The following NAALADL2 variants were observed in gnomAD, a reference collection of about 807,000 sequenced individuals.
NAALADL2 encodes inactive N-acetylated-alpha-linked acidic dipeptidase-like protein 2.
NAALADL2 carries 76 observed loss-of-function variants against 87.2 expected under a neutral mutation model. The ratio of observed to expected loss-of-function variants is 0.87; its 90% CI spans 0.72 to 1.05. NAALADL2 has a LOEUF of 1.05. NAALADL2 is among the 50% of genes least tolerant of loss of function. NAALADL2 has a pLI of 0.00. For synonymous variants in NAALADL2, 354 were observed against 331.0 expected (o/e 1.07, Z -0.75); for missense variants, 1,089 against 945.8 (o/e 1.15, Z -1.99).
intron 1 of NAALADL2, among the ~76,000 whole-genome samples, chr3:174,998,303 T>C (rs1747801024): frequency 6.6e-6 from 1 of 152,222 alleles, no homozygotes; most frequent in African/African-American, 2.4e-5. Context: ...GAAACTCATA[T>C]TCCCATCCCA....
rs572697635 is a variant in NAALADL2, at chr3:174,587,765, C to A, written c.-115+37128C>A. On this transcript the variant is annotated intron_variant, in intron 2 of 3. Transcript: ENST00000434257. Reference sequence around the variant, plus strand: ...GATCCACTGTTAGACAAATGGGCTTCCCTTTGTGGGTAACCTGTCCTTTTT... The same window carrying A: ...GATCCACTGTTAGACAAATGGGCTTACCTTTGTGGGTAACCTGTCCTTTTT... Among the ~76,000 whole-genome samples the A allele has an allele frequency of 3.5e-4, 53 of 152,308 alleles. 1 individual carries two copies. In the South Asian group the frequency reaches 0.01, roughly 30 times the overall value.
intron 11 of NAALADL2, among the ~76,000 whole-genome samples, chr3:175,694,583 T>C (rs1271123845): frequency 6.6e-6 from 1 of 152,166 alleles, no homozygotes; most frequent in Non-Finnish European, 1.5e-5. Context: ...GGAATTCCAA[T>C]GCTATATACT....
At chr3:175,077,700 A>G (rs1484794855) in intron 1 of NAALADL2, among the ~76,000 whole-genome samples, 7 of 152,166 alleles carry the variant, frequency 4.6e-5, no homozygotes, top group Non-Finnish European at 8.8e-5. Flanking sequence ...TTACTAATAG[A>G]GGCAGCTGCT....
chr3:175,543,267 CA>C (rs1346528712), intron 9 of NAALADL2, among the ~76,000 whole-genome samples: 1 of 152,084 alleles, frequency 6.6e-6, no homozygotes, highest in Non-Finnish European at 1.5e-5. Context: ...CAAGACACCA[CA>C]AGAATGTCTT....
intron 1 of NAALADL2, among the ~76,000 whole-genome samples, chr3:174,968,354 CTG>C (rs1743153413): frequency 6.6e-6 from 1 of 152,158 alleles, no homozygotes; most frequent in Admixed American, 6.5e-5. Flanking sequence ...GACCTAGAGA[CTG>C]TTATATCCTC....
At chr3:174,614,571 C>T (rs541604265) in intron 2 of NAALADL2, among the ~76,000 whole-genome samples, 80 of 152,206 alleles carry the variant, frequency 5.3e-4, no homozygotes, top group Middle Eastern at 6.8e-3. Flanking sequence ...TGTCAAGGGA[C>T]GGGGGAGAGG....
At position 175,607,649 on chromosome 3, in the gene NAALADL2, A is replaced by C. The variant is rs554489588; in HGVS notation, c.1801-19642A>C. On this transcript the variant is annotated intron_variant, in intron 10 of 13. Coordinates refer to ENST00000454872, the MANE Select transcript of NAALADL2 (RefSeq NM_207015.3). ...TCAGTTAACAACTACCGAGTAGTTC[A>C]AATTGGTTATAAACTGGCATTCCTT... Among the ~76,000 whole-genome samples the C allele has an allele frequency of 2.0e-5, 3 of 152,310 alleles. No homozygotes were observed. The East Asian group carries it at 5.8e-4, about 29-fold the overall frequency.
Position 175,444,204 on chromosome 3 carries a change from C to T in NAALADL2, c.1091-3025C>T, listed in dbSNP as rs188412851. On this transcript the variant is annotated intron_variant, in intron 5 of 13. Transcript: ENST00000454872. ...AATCATACAGCATCTTAAGAAGTTTCCGCAATCATGAAAACTTCGAAATGA... is the reference window on the plus strand; with the variant it reads ...AATCATACAGCATCTTAAGAAGTTTTCGCAATCATGAAAACTTCGAAATGA... 4.8e-3 allele frequency among the ~76,000 whole-genome samples: 737 copies of T among 152,242 alleles called. 7 individuals are homozygous for T. Among genetic ancestry groups the T allele is most frequent in the Middle Eastern group, 0.027 (8 of 294 alleles).
At chr3:175,778,025 A>G (rs1446611162) in intron 13 of NAALADL2, among the ~76,000 whole-genome samples, 3 of 152,186 alleles carry the variant, frequency 2.0e-5, no homozygotes, top group Non-Finnish European at 4.4e-5. Flanking sequence ...TACCACTACT[A>G]TTGGCTGTCT....
At chr3:174,776,983 T>C (rs915315177) in intron 3 of NAALADL2, among the ~76,000 whole-genome samples, 2 of 152,164 alleles carry the variant, frequency 1.3e-5, no homozygotes, top group African/African-American at 4.8e-5. Flanking sequence ...TGGGAAGTAG[T>C]GGAAAGCTAT....
At chr3:174,988,700 C>T (rs759627710) in intron 1 of NAALADL2, among the ~76,000 whole-genome samples, 13 of 152,166 alleles carry the variant, frequency 8.5e-5, no homozygotes, top group Non-Finnish European at 1.6e-4. Flanking sequence ...CTGATCTCCA[C>T]ATAGTGTTCT....
At chr3:175,173,410 G>A (rs1033586692) in intron 2 of NAALADL2, among the ~76,000 whole-genome samples, 44 of 152,244 alleles carry the variant, frequency 2.9e-4, no homozygotes, top group African/African-American at 1.0e-3. Flanking sequence ...GCTGAAGTGG[G>A]AGAATTGCTT....
At chr3:175,214,512 G>C (rs1742222575) in intron 2 of NAALADL2, among the ~76,000 whole-genome samples, 1 of 152,060 alleles carries the variant, frequency 6.6e-6, no homozygotes, top group Non-Finnish European at 1.5e-5. Context: ...TCTATTCATG[G>C]CTTGTCTGAG....
At chr3:175,310,718 G>C (rs1210828491) in intron 4 of NAALADL2, among the ~76,000 whole-genome samples, 1 of 151,758 alleles carries the variant, frequency 6.6e-6, no homozygotes, top group East Asian at 1.9e-4. Flanking sequence ...AGAGGTTCAT[G>C]CATGTCACTA....
intron 2 of NAALADL2, among the ~76,000 whole-genome samples, chr3:174,605,289 A>G (rs1395365549): frequency 1.3e-5 from 2 of 152,124 alleles, no homozygotes; most frequent in African/African-American, 4.8e-5. Flanking sequence ...GGTTCATCTC[A>G]CTAGGAAGTG....
At chr3:174,625,043 A>ATCTCTCTCTC (rs1181249470) in intron 2 of NAALADL2, among the ~76,000 whole-genome samples, 1 of 113,090 alleles carries the variant, frequency 8.8e-6, no homozygotes, top group African/African-American at 3.6e-5. Context: ...ATTTATTGCT[A>ATCTCTCTCTC]TCTCTCTCTC....
chr3:175,506,448 T>C (rs747081489), intron 9 of NAALADL2, among the ~76,000 whole-genome samples: 1 of 151,778 alleles, frequency 6.6e-6, no homozygotes, highest in Non-Finnish European at 1.5e-5. Context: ...AAATGTTTAA[T>C]CTAATAATTT....
chr3:174,820,991 T>C (rs776928501), intron 3 of NAALADL2, among the ~76,000 whole-genome samples: 3 of 152,188 alleles, frequency 2.0e-5, no homozygotes, highest in Non-Finnish European at 4.4e-5. Context: ...AAACAGAGAT[T>C]AGGTTTTTTG....
chr3:175,166,415 T>C (rs960205425), intron 2 of NAALADL2, among the ~76,000 whole-genome samples: 4 of 152,076 alleles, frequency 2.6e-5, no homozygotes, highest in African/African-American at 9.7e-5. Flanking sequence ...ATTCCAGAGA[T>C]AATCACAAAT....
Sources: gnomAD v4.1 joint callset for allele counts (sites outside exome capture counted in the v4.1 genomes callset) on GRCh38, gnomAD v4.1.1 for gene constraint, MANE v1.5 for transcripts, NCBI Gene and HGNC (gene_info 2026-07-23, HGNC 2026-07-21) for gene names.